The following LRPPRC variants were observed in gnomAD, a reference collection of about 807,000 sequenced individuals.
The protein encoded by LRPPRC is leucine rich pentatricopeptide repeat containing, also known as leucine-rich PPR motif-containing protein, mitochondrial.
In LRPPRC, 120 loss-of-function variants were observed where a neutral mutation model predicts 180.3. The ratio of observed to expected loss-of-function variants is 0.67; its 90% confidence interval spans 0.57 to 0.77. LRPPRC has a LOEUF of 0.77. Among genes scored for constraint, LRPPRC ranks in the 30% least tolerant of loss-of-function variants. The pLI, the probability that LRPPRC is intolerant of heterozygous loss-of-function variation, is 0.00. For missense variants in LRPPRC, 2,012 were observed against 1,657.2 expected, an observed-to-expected ratio of 1.21 and a Z score of -3.72; for synonymous variants, 723 against 600.0, an observed-to-expected ratio of 1.21 and a Z score of -3.00.
chr2:43,898,163 C>T (rs1054231446), intron 34 of LRPPRC, among the ~76,000 whole-genome samples: 1 of 150,020 alleles, frequency 6.7e-6, no homozygotes, highest in African/African-American at 2.5e-5. Flanking sequence ...TCTCCAGCAA[C>T]AAAAGTAAGA....
At position 43,922,371 on chromosome 2, in the gene LRPPRC, T is replaced by C. The variant is rs1671728541; in HGVS notation, c.2896+2696A>G. Among the ~76,000 whole-genome samples, 3 of 152,192 alleles carry C rather than the reference T, an allele frequency of 2.0e-5. No homozygotes were observed. The South Asian group carries it at 6.2e-4, about 31-fold the overall frequency. ...CAAAATTAAGTGTGTATTAAGTATG[T>C]GAAAGGAACCGTTTTAAAATAAACG... On this transcript the variant is annotated intron_variant, in intron 27 of 37. Coordinates refer to ENST00000260665, the MANE Select transcript of LRPPRC (RefSeq NM_133259.4).
intron 14 of LRPPRC, among the ~76,000 whole-genome samples, chr2:43,953,072 C>T (rs1672968200): frequency 6.6e-6 from 1 of 152,218 alleles, no homozygotes. Flanking sequence ...CCACTGTTCT[C>T]TCAGCCTCAA....
chr2:43,968,706 A>G (rs944325923), intron 11 of LRPPRC, among the ~76,000 whole-genome samples: 1 of 152,254 alleles, frequency 6.6e-6, no homozygotes, highest in African/African-American at 2.4e-5. Context: ...AAAGTAGGAC[A>G]GCAGTTGCCA....
At chr2:43,955,152 C>G (rs1168191509) in intron 14 of LRPPRC, among the ~76,000 whole-genome samples, 1 of 151,966 alleles carries the variant, frequency 6.6e-6, no homozygotes, top group Non-Finnish European at 1.5e-5. Flanking sequence ...CCAACAAATT[C>G]TCAAAGAGAT....
In LRPPRC at chr2:43,894,401, A is replaced by G. The variant is rs1670607816; in HGVS notation, c.3985+144T>C. On this transcript the variant is annotated intron_variant, in intron 36 of 37. Coordinates refer to ENST00000260665, the MANE Select transcript of LRPPRC (RefSeq NM_133259.4). ...ATTCCAGAACTGAGTTATTTATATC[A>G]TAATTATCTGATATTTAGGATTACT... 4.0e-5 allele frequency: 24 copies of G among 594,274 alleles called. No homozygotes were observed. In the South Asian group the frequency reaches 5.2e-4, roughly 13 times the overall value. 36.8% of individuals were successfully genotyped at this position (594,274 alleles called of 1,614,324 possible). A position where few individuals can be genotyped will look rare whatever the true frequency, so the allele number is the denominator to read the frequency against.
intron 11 of LRPPRC, among the ~76,000 whole-genome samples, chr2:43,967,812 A>C (rs963895425): frequency 6.6e-6 from 1 of 152,244 alleles, no homozygotes; most frequent in Admixed American, 6.5e-5. Context: ...AATACTTGTA[A>C]GCGAAATTTA....
intron 8 of LRPPRC, 79 bp downstream of exon 8, chr2:43,974,535 G>A (rs2103714515): frequency 9.2e-7 from 1 of 1,087,638 alleles, no homozygotes; most frequent in African/African-American, 1.6e-5. Context: ...CCCATTGTTA[G>A]AAAATGTCCT....
chr2:43,943,912 A>G lies in LRPPRC; in HGVS notation c.2297-18T>C. The G allele has an allele frequency of 6.4e-7, 1 of 1,567,792 alleles. No homozygotes were observed. Among genetic ancestry groups the G allele is most frequent in the African/African-American group, 1.3e-5 (1 of 74,178 alleles). On this transcript the variant is annotated intron_variant, in intron 22 of 37. Transcript: ENST00000260665. ...AATAGCATCTACAATGAAGTAACAC[A>G]AAAGACCCTTAGGTAATTTCATGTA...
chr2:43,990,351 T>C (rs1415371064), intron 1 of LRPPRC, among the ~76,000 whole-genome samples: 1 of 152,240 alleles, frequency 6.6e-6, no homozygotes, highest in East Asian at 1.9e-4. Context: ...AACGGATCTT[T>C]TCGTCAGTTC....
Position 43,962,048 on chromosome 2 carries a change from A to C in LRPPRC, c.1489-1414T>G, listed in dbSNP as rs76907350. 8.3e-4 allele frequency among the ~76,000 whole-genome samples: 126 copies of C among 152,330 alleles called. No individual in the cohort carries two copies. The East Asian group carries it at 0.017, about 21-fold the overall frequency. ...GTTGTTTTCAATCCCAAAACACTCA[A>C]TACTACTGAAATTCCAGCAATGAAG... On this transcript the variant is annotated intron_variant, in intron 12 of 37. Transcript: ENST00000260665.
At chr2:43,974,817 A>T in intron 7 of LRPPRC, 59 bp from the exon 8 acceptor site, 1 of 1,527,248 alleles carries the variant, frequency 6.5e-7, no homozygotes, top group Non-Finnish European at 9.1e-7. Context: ...TAAGTATTAA[A>T]GCTAAATAAA....
chr2:43,996,183 G>A (rs1001537440), upstream of LRPPRC, among the ~76,000 whole-genome samples: 1 of 152,114 alleles, frequency 6.6e-6, no homozygotes, highest in Non-Finnish European at 1.5e-5. Flanking sequence ...TTTCTTTTCC[G>A]TCTTCCGTCT....
At position 43,980,553 on chromosome 2, in the gene LRPPRC, CAAAAAAA is replaced by C. The variant is rs145131663; in HGVS notation, c.347-612_347-606del. Among the ~76,000 whole-genome samples the C allele has an allele frequency of 1.8e-3, 150 of 85,064 alleles. 1 individual carries two copies. The highest frequency in any genetic ancestry group is 2.3e-3 in the Non-Finnish European group (97 of 41,622). The allele number at this position is 85,064 out of a possible 152,430, so 55.8% of individuals were successfully genotyped here. ...AGACAACAAGATCAAGACTCTGTTT[CAAAAAAA>C]AAAAAAAAAAGAAGAAAGAAAGAAA... On this transcript the variant is annotated intron_variant, in intron 2 of 37. Transcript: ENST00000260665.
At chr2:43,983,490 T>G (rs1372203633) in intron 1 of LRPPRC, among the ~76,000 whole-genome samples, 2 of 152,158 alleles carry the variant, frequency 1.3e-5, no homozygotes, top group Non-Finnish European at 2.9e-5. Flanking sequence ...TTCTTATGTG[T>G]GAAGGAAACC....
chr2:43,940,194 T>A (rs906692726), intron 23 of LRPPRC, among the ~76,000 whole-genome samples: 6 of 152,174 alleles, frequency 3.9e-5, no homozygotes, highest in Admixed American at 3.9e-4. Context: ...AAATTCTTAA[T>A]TGCAATAATG....
chr2:43,916,906 C>T lies in LRPPRC; in HGVS notation c.3148+1119G>A, dbSNP rs565609809. 5.9e-5 allele frequency among the ~76,000 whole-genome samples: 8 copies of T among 136,464 alleles called. No individual in the cohort carries two copies. The South Asian group carries it at 1.4e-3, about 23-fold the overall frequency. The allele number at this position is 136,464 out of a possible 152,430, so 89.5% of individuals were successfully genotyped here. On this transcript the variant is annotated intron_variant, in intron 29 of 37. Transcript: ENST00000260665. ...GCTGCAATGAACCATGATTGCGCCA[C>T]TGCACTCCAGTCTGGGTGACAGAGT...
intron 21 of LRPPRC, 93 bp from the exon 22 acceptor site, chr2:43,945,510 CA>C: frequency 1.3e-6 from 1 of 781,216 alleles, no homozygotes. Flanking sequence ...AAAAGCTCAT[CA>C]GAAGACCTGA....
intron 31 of LRPPRC, chr2:43,904,708 A>AAC (rs1671008813): frequency 1.1e-5 from 1 of 91,368 alleles, no homozygotes; most frequent in African/African-American, 6.8e-5. Context: ...AAACAAAAAC[A>AAC]AAAAAAAAAA....
chr2:43,897,472 AAG>A (rs1670725742), intron 34 of LRPPRC, among the ~76,000 whole-genome samples: 1 of 152,204 alleles, frequency 6.6e-6, no homozygotes, highest in Non-Finnish European at 1.5e-5. Flanking sequence ...ATGGTATAAA[AAG>A]AACTTTTTGG....
Sources: allele counts gnomAD v4.1 joint callset (sites outside exome capture counted in the v4.1 genomes callset), GRCh38; gene constraint gnomAD v4.1.1; transcripts MANE v1.5; gene names NCBI Gene and HGNC (gene_info 2026-07-23, HGNC 2026-07-21).